The following FARP2 variants were observed in gnomAD, a reference collection of about 807,000 sequenced individuals.
FARP2 encodes FERM, ARHGEF and pleckstrin domain-containing protein 2.
Under a neutral mutation model 130.5 loss-of-function variants are expected in FARP2, and 111 were observed. The observed-to-expected ratio is 0.85, with a 90% CI of 0.73 to 1.00. The LOEUF is 1.00. FARP2 is among the 50% of genes least tolerant of loss of function. The pLI, the probability that FARP2 is intolerant of heterozygous loss-of-function variation, is 0.00. For missense variants in FARP2, 1,385 were observed against 1,346.3 expected (o/e 1.03, Z -0.45); for synonymous variants, 504 against 516.9 (o/e 0.98, Z 0.34).
At chr2:241,381,439 C>T (rs148255897) in intron 2 of FARP2, among the ~76,000 whole-genome samples, 83 of 152,274 alleles carry the variant, frequency 5.5e-4, no homozygotes, top group African/African-American at 1.9e-3. Context: ...CAGCCTGCCT[C>T]ATCCATCAGG....
intron 13 of FARP2, among the ~76,000 whole-genome samples, chr2:241,453,429 T>C (rs569243934): frequency 2.5e-4 from 38 of 151,932 alleles, no homozygotes; most frequent in Non-Finnish European, 3.8e-4. Flanking sequence ...GAGACCATCC[T>C]GGCTAACATG....
At chr2:241,476,291 A>G (rs2064459837) in intron 19 of FARP2, among the ~76,000 whole-genome samples, 1 of 150,512 alleles carries the variant, frequency 6.6e-6, no homozygotes, top group Admixed American at 6.6e-5. Context: ...GGAGACTGAG[A>G]TGGGAGGATC....
intron 2 of FARP2, among the ~76,000 whole-genome samples, chr2:241,394,950 C>T (rs997281971): frequency 1.3e-5 from 2 of 152,216 alleles, no homozygotes; most frequent in Non-Finnish European, 2.9e-5. Context: ...GTGATGCTCA[C>T]ACTGTTCTGT....
chr2:241,448,536 A>T (rs1486720728), intron 13 of FARP2, among the ~76,000 whole-genome samples: 1 of 152,230 alleles, frequency 6.6e-6, no homozygotes, highest in East Asian at 1.9e-4. Context: ...CATGCTTCTC[A>T]AAGTTTTGGA....
chr2:241,431,570 C>T lies in FARP2; in HGVS notation c.772-109C>T, dbSNP rs1291277784. ...CTATCTCAGATATAATGGTAAAATG[C>T]CAAGTAGAGTGCTGTGTTGGCAAGG... On this transcript the variant is annotated intron_variant, in intron 8 of 26. Coordinates refer to ENST00000264042, the MANE Select transcript of FARP2 (RefSeq NM_014808.4). 3.7e-5 allele frequency: 24 copies of T among 651,724 alleles called. No individual in the cohort carries two copies. The East Asian group carries it at 6.3e-4, about 17-fold the overall frequency. The allele number at this position is 651,724 out of a possible 1,614,324, so 40.4% of individuals were successfully genotyped here.
At position 241,411,230 on chromosome 2, in the gene FARP2, T is replaced by C. The variant is rs186924551; in HGVS notation, c.508+100T>C. The C allele has an allele frequency of 1.4e-3, 1,073 of 788,602 alleles. 1 individual carries two copies. Among genetic ancestry groups the C allele is most frequent in the Non-Finnish European group, 1.8e-3 (848 of 463,308 alleles). The allele number at this position is 788,602 out of a possible 1,614,324, so 48.9% of individuals were successfully genotyped here. A position where few individuals can be genotyped will look rare whatever the true frequency, so the allele number is the denominator to read the frequency against. Reference sequence around the variant, plus strand: ...GTTGCTGATGTATTTGCCTAGTTAGTGAGCCTGACCATAGAATGAGGTGTT... The same window carrying C: ...GTTGCTGATGTATTTGCCTAGTTAGCGAGCCTGACCATAGAATGAGGTGTT... On this transcript the variant is annotated intron_variant, in intron 6 of 26. Transcript: ENST00000264042.
At chr2:241,426,201 C>T (rs985450735) in intron 8 of FARP2, among the ~76,000 whole-genome samples, 2 of 151,982 alleles carry the variant, frequency 1.3e-5, no homozygotes, top group African/African-American at 4.8e-5. Context: ...AGGGCAGGGC[C>T]CCGGGAGAGA....
chr2:241,454,101 A>G (rs989031737), intron 13 of FARP2, among the ~76,000 whole-genome samples: 4 of 151,870 alleles, frequency 2.6e-5, no homozygotes, highest in African/African-American at 9.7e-5. Context: ...GCCCTTTCTA[A>G]TTTACAGCCC....
In FARP2 at chr2:241,363,491, A is replaced by G. The variant is rs148350673; in HGVS notation, c.-25+7103A>G. 2.1e-4 allele frequency among the ~76,000 whole-genome samples: 32 copies of G among 152,330 alleles called. No homozygotes were observed. In the East Asian group the frequency reaches 5.8e-3, roughly 28 times the overall value. On this transcript the variant is annotated intron_variant, in intron 1 of 26. Coordinates refer to ENST00000264042, the MANE Select transcript of FARP2 (RefSeq NM_014808.4). ...GGTCACTGGAAGGGATACTAGGGAG[A>G]TTCCAGAGAGGGAATTGCTCAGGAA...
chr2:241,463,495 G>A lies in FARP2; in HGVS notation c.1811+27G>A. 4 of 1,607,630 alleles carry A rather than the reference G, an allele frequency of 2.5e-6. 1 individual carries two copies. The South Asian group carries it at 3.3e-5, about 13-fold the overall frequency. ...TAACACCCCTTCAGCCCCCACACGGGAGACTCCCACACCAACTCATCATCA... is the reference window on the plus strand; with the variant it reads ...TAACACCCCTTCAGCCCCCACACGGAAGACTCCCACACCAACTCATCATCA... On this transcript the variant is annotated intron_variant, in intron 16 of 26. Transcript: ENST00000264042.
intron 8 of FARP2, among the ~76,000 whole-genome samples, chr2:241,421,089 C>T (rs576978497): frequency 5.0e-4 from 76 of 152,298 alleles, no homozygotes; most frequent in African/African-American, 1.8e-3. Context: ...AAGGAACCCC[C>T]ATCCCCAGCC....
At chr2:241,408,667 C>T (rs530014119) in intron 5 of FARP2, among the ~76,000 whole-genome samples, 3 of 151,992 alleles carry the variant, frequency 2.0e-5, no homozygotes, top group African/African-American at 7.2e-5. Context: ...GAGGAATAAC[C>T]TAAAAAGCAA....
intron 22 of FARP2, among the ~76,000 whole-genome samples, chr2:241,490,268 G>A (rs1467616534): frequency 1.3e-5 from 2 of 152,190 alleles, no homozygotes; most frequent in African/African-American, 4.8e-5. Flanking sequence ...CCCACAAGTG[G>A]CAGGCCCCAG....
intron 1 of FARP2, among the ~76,000 whole-genome samples, chr2:241,370,811 T>C (rs1460035141): frequency 6.6e-6 from 1 of 152,228 alleles, no homozygotes; most frequent in Non-Finnish European, 1.5e-5. Flanking sequence ...TTGGTGCCAG[T>C]GACATTAAGT....
At chr2:241,463,757 C>CCCTG in intron 16 of FARP2, 142 bp from the exon 17 acceptor site, 1 of 762,088 alleles carries the variant, frequency 1.3e-6, no homozygotes, top group South Asian at 1.7e-5. Context: ...CCAGGGCAGG[C>CCCTG]CCTGCCCTGC....
intron 17 of FARP2, chr2:241,465,912 G>T (rs2064156918): frequency 1.4e-6 from 2 of 1,432,858 alleles, no homozygotes; most frequent in South Asian, 3.0e-5. Context: ...TTCAGCCTAG[G>T]TGCCCTTTTC....
At position 241,468,274 on chromosome 2, in the gene FARP2, G is replaced by T. The variant is rs147634480; in HGVS notation, c.2028G>T (p.Thr676=). Residue 676 remains threonine (T), a synonymous_variant, in exon 18 of 27, where the codon ACG becomes ACT. Coordinates refer to ENST00000264042, the MANE Select transcript of FARP2 (RefSeq NM_014808.4). ...LQKVCYLPLN[T]FLLKPIQRLL... ...AGGTCTGCTACTTGCCTCTCAACAC[G>T]TTCCTGCTGAAGCCCATCCAGCGGC... 558 of 1,613,984 alleles carry T rather than the reference G, an allele frequency of 3.5e-4. 2 individuals carry two copies. The African/African-American group carries it at 6.5e-3, about 19-fold the overall frequency.
At chr2:241,493,976 C>T (rs753493072) in intron 26 of FARP2, 32 bp from the exon 27 acceptor site, 5 of 1,280,298 alleles carry the variant, frequency 3.9e-6, no homozygotes, top group Non-Finnish European at 5.1e-6. Flanking sequence ...CACAAGATGG[C>T]TCACTGGTCT....
chr2:241,366,716 C>A (rs1465795827), intron 1 of FARP2, among the ~76,000 whole-genome samples: 1 of 152,094 alleles, frequency 6.6e-6, no homozygotes, highest in Non-Finnish European at 1.5e-5. Flanking sequence ...AACACATTTT[C>A]TTTCCATTTG....
Sources: allele counts gnomAD v4.1 joint callset (sites outside exome capture counted in the v4.1 genomes callset), GRCh38; gene constraint gnomAD v4.1.1; transcripts MANE v1.5; gene names NCBI Gene and HGNC (gene_info 2026-07-23, HGNC 2026-07-21).